Variants in TYW3 observed in about 807,000 individuals in gnomAD.
TYW3 encodes the protein tRNA-yW synthesizing protein 3 homolog, also known as tRNA wybutosine-synthesizing protein 3 homolog.
Under a neutral mutation model 23.1 loss-of-function variants are expected in TYW3, and 26 were observed. That is an observed-to-expected ratio of 1.13 (90% CI 0.83 to 1.56). TYW3 has a LOEUF of 1.56. Among genes scored for constraint, TYW3 ranks in the 40% most tolerant of loss-of-function variants. The pLI, the probability that TYW3 is intolerant of heterozygous loss-of-function variation, is 0.00. For synonymous variants in TYW3, 102 were observed against 105.7 expected (o/e 0.97, Z 0.21); for missense variants, 316 against 311.9 (o/e 1.01, Z -0.10).
In TYW3 at chr1:74,752,416, G is replaced by T. The variant is rs766522374; in HGVS notation, c.551G>T (p.Arg184Ile). 3.7e-6 allele frequency: 6 copies of T among 1,613,120 alleles called. No individual in the cohort carries two copies. Among genetic ancestry groups the T allele is most frequent in the East Asian group, 2.2e-5 (1 of 44,806 alleles). ...CAAAAAATGGAGGAAAACAAGAAAA[G>T]AATTGAGAGGTATATTAATTGGGTA... is the stretch of plus-strand genomic sequence containing the variant. ...ANQKMEENKK[R>I]IERFYNCLQH... The change falls in exon 5 of 6, where the codon AGA (arginine) becomes ATA (isoleucine). Residue 184 changes from arginine (R) to isoleucine (I), a missense_variant. Transcript: ENST00000370867.
intron 2 of TYW3, among the ~76,000 whole-genome samples, chr1:74,738,117 C>CA (rs1413075532): frequency 6.6e-6 from 1 of 150,838 alleles, no homozygotes; most frequent in East Asian, 2.0e-4. Context: ...GAAAAAAAAA[C>CA]AAACAAAAAA....
At chr1:74,733,678 T>A in intron 1 of TYW3, 1 of 579,494 alleles carries the variant, frequency 1.7e-6, no homozygotes, top group Non-Finnish European at 2.2e-6. Flanking sequence ...TGTGCATTTC[T>A]AACAAGTGCC....
chr1:74,759,769 A>G (rs1649075340), intron 5 of TYW3, among the ~76,000 whole-genome samples: 1 of 152,124 alleles, frequency 6.6e-6, no homozygotes, highest in Admixed American at 6.5e-5. Flanking sequence ...CAGCTTCCCG[A>G]GTAGCTGTTA....
chr1:74,755,560 G>A (rs1648925645), intron 5 of TYW3, among the ~76,000 whole-genome samples: 1 of 152,094 alleles, frequency 6.6e-6, no homozygotes. Flanking sequence ...ACTGAATTTT[G>A]TTTATTCATT....
intron 4 of TYW3, among the ~76,000 whole-genome samples, chr1:74,751,786 G>C (rs1371599513): frequency 6.6e-6 from 1 of 152,034 alleles, no homozygotes; most frequent in Non-Finnish European, 1.5e-5. Flanking sequence ...GGAACATGTT[G>C]ACTATTTCAT....
chr1:74,744,491 C>G (rs754463839), intron 3 of TYW3, among the ~76,000 whole-genome samples: 1 of 152,106 alleles, frequency 6.6e-6, no homozygotes, highest in Non-Finnish European at 1.5e-5. Flanking sequence ...GAGTGTTTGG[C>G]TGACAGGTGT....
In TYW3 at chr1:74,733,922, T is replaced by G. The variant is rs146849954; in HGVS notation, c.174+504T>G. ...GTGAGCCCCTCCATTATTACAACTC[T>G]AGTAGTTTTACGCAGAGAAAAGTAC... On this transcript the variant is annotated intron_variant, in intron 1 of 5. Transcript: ENST00000370867. Among the ~76,000 whole-genome samples the G allele has an allele frequency of 1.1e-3, 174 of 152,268 alleles. 1 individual carries two copies. Among genetic ancestry groups the G allele is most frequent in the African/African-American group, 3.9e-3 (161 of 41,548 alleles).
chr1:74,763,870 A>G (rs1649210353), intron 5 of TYW3, 24 bp from the exon 6 acceptor site: 2 of 1,560,206 alleles, frequency 1.3e-6, no homozygotes, highest in South Asian at 1.2e-5. Context: ...CACAGATATA[A>G]TAGTAGTACT....
Position 74,745,238 on chromosome 1 carries a change from G to T in TYW3, c.355-3513G>T, listed in dbSNP as rs570420440. Reference sequence around the variant, plus strand: ...AGAGTGAGCAGCAGCAAGATTTATTGTGAAGAGCAAAAGAACAAAGCTTCC... The same window carrying T: ...AGAGTGAGCAGCAGCAAGATTTATTTTGAAGAGCAAAAGAACAAAGCTTCC... On this transcript the variant is annotated intron_variant, in intron 3 of 5. Coordinates refer to ENST00000370867, the MANE Select transcript of TYW3 (RefSeq NM_138467.3). 1.2e-3 allele frequency among the ~76,000 whole-genome samples: 179 copies of T among 151,440 alleles called. 1 individual carries two copies. Among genetic ancestry groups the T allele is most frequent in the Non-Finnish European group, 1.9e-3 (132 of 67,772 alleles).
intron 2 of TYW3, among the ~76,000 whole-genome samples, chr1:74,738,467 G>A (rs994710128): frequency 3.3e-5 from 5 of 152,198 alleles, no homozygotes. Flanking sequence ...TAGGTGGAAA[G>A]AATGGTATAG....
chr1:74,733,529 G>C (rs545424340), intron 1 of TYW3, 111 bp downstream of exon 1: 18 of 1,470,942 alleles, frequency 1.2e-5, no homozygotes, highest in Middle Eastern at 4.1e-4. Flanking sequence ...GCTCCTCTGA[G>C]GGGTGGTCTC....
At chr1:74,747,472 C>T (rs1004061977) in intron 3 of TYW3, among the ~76,000 whole-genome samples, 2 of 151,212 alleles carry the variant, frequency 1.3e-5, no homozygotes, top group Non-Finnish European at 3.0e-5. Flanking sequence ...CCCGTCTCTA[C>T]TAAAAATACA....
At chr1:74,748,654 G>A in intron 3 of TYW3, 97 bp from the exon 4 acceptor site, 1 of 1,271,772 alleles carries the variant, frequency 7.9e-7, no homozygotes, top group South Asian at 1.3e-5. Flanking sequence ...AACCTTAATA[G>A]CTTTTAGGGT....
At chr1:74,750,666 T>A (rs892474903) in intron 4 of TYW3, among the ~76,000 whole-genome samples, 2 of 152,210 alleles carry the variant, frequency 1.3e-5, no homozygotes, top group Admixed American at 1.3e-4. Flanking sequence ...CGTCTTCCAA[T>A]TACATACTTA....
intron 2 of TYW3, among the ~76,000 whole-genome samples, chr1:74,737,715 A>G (rs1648198392): frequency 6.6e-6 from 1 of 152,236 alleles, no homozygotes; most frequent in Non-Finnish European, 1.5e-5. Context: ...ACACTGTAAC[A>G]TGGGTGCAGC....
At chr1:74,735,392 C>G (rs917386170) in intron 1 of TYW3, among the ~76,000 whole-genome samples, 1 of 152,010 alleles carries the variant, frequency 6.6e-6, no homozygotes. Context: ...CCCAAAACTC[C>G]CCTCTCCCAC....
At chr1:74,755,748 T>G (rs977654681) in intron 5 of TYW3, among the ~76,000 whole-genome samples, 1 of 152,130 alleles carries the variant, frequency 6.6e-6, no homozygotes, top group Non-Finnish European at 1.5e-5. Flanking sequence ...GGGCCTAAAA[T>G]GCAGGCAGGG....
intron 2 of TYW3, among the ~76,000 whole-genome samples, chr1:74,737,298 C>T (rs1398964853): frequency 6.6e-6 from 1 of 152,216 alleles, no homozygotes. Flanking sequence ...TGCCTTTATT[C>T]TCTTCTGCTG....
At chr1:74,755,600 T>C (rs1211671819) in intron 5 of TYW3, among the ~76,000 whole-genome samples, 11 of 152,212 alleles carry the variant, frequency 7.2e-5, no homozygotes, top group Non-Finnish European at 4.4e-5. Flanking sequence ...AAGGTGTCTT[T>C]CCCTTTTAGC....
Sources: allele counts gnomAD v4.1 joint callset (sites outside exome capture counted in the v4.1 genomes callset), GRCh38; gene constraint gnomAD v4.1.1; transcripts MANE v1.5; gene names NCBI Gene and HGNC (gene_info 2026-07-23, HGNC 2026-07-21).